Variants in GOLT1B observed in about 807,000 individuals in gnomAD.
GOLT1B encodes vesicle transport protein GOT1B.
GOLT1B carries 3 observed loss-of-function variants against 15.4 expected under a neutral mutation model. The ratio of observed to expected loss-of-function variants is 0.19; its 90% CI spans 0.09 to 0.50. GOLT1B has a LOEUF of 0.50. Ranked by LOEUF, GOLT1B falls within the 20% of genes least tolerant of loss-of-function variation. GOLT1B has a pLI of 0.97. For synonymous variants in GOLT1B, 65 were observed against 56.2 expected (o/e 1.16, Z -0.70); for missense variants, 145 against 160.4 (o/e 0.90, Z 0.52).
chr12:21,515,724 A>G lies in GOLT1B; in HGVS notation c.*17A>G. 9.0e-7 allele frequency: 1 copy of G among 1,108,626 alleles called. No individual in the cohort carries two copies. Among genetic ancestry groups the G allele is most frequent in the Admixed American group, 1.9e-5 (1 of 53,584 alleles). The allele number at this position is 1,108,626 out of a possible 1,614,324, so 68.7% of individuals were successfully genotyped here. A position where few individuals can be genotyped will look rare whatever the true frequency, so the allele number is the denominator to read the frequency against. On this transcript the variant is annotated 3_prime_UTR_variant, in exon 5 of 5. Transcript: ENST00000229314. ...ATGGTATAACAACAAGTGAATTTGA[A>G]GACTCATTTAAAATATTGTGTTATT...
chr12:21,506,037 T>TCGTC (rs3837494), intron 1 of GOLT1B, among the ~76,000 whole-genome samples: 67,324 of 151,244 alleles, frequency 0.45, 15,598 homozygotes, highest in East Asian at 0.67. Context: ...ACTTTAAAGC[T>TCGTC]TACACCTCGT....
In GOLT1B at chr12:21,501,846, C is replaced by T. The variant is rs1183295034; in HGVS notation, c.-78C>T. 2.0e-6 allele frequency: 2 copies of T among 1,019,108 alleles called. No homozygotes were observed. Among genetic ancestry groups the T allele is most frequent in the Non-Finnish European group, 3.1e-6 (2 of 647,656 alleles). The allele number at this position is 1,019,108 out of a possible 1,614,324, so 63.1% of individuals were successfully genotyped here. A position where few individuals can be genotyped will look rare whatever the true frequency, so the allele number is the denominator to read the frequency against. On this transcript the variant is annotated 5_prime_UTR_variant, in exon 1 of 5. Coordinates refer to ENST00000229314, the MANE Select transcript of GOLT1B (RefSeq NM_016072.5). ...GGCGGCTCTCGCCTGGGCTGTTTCC[C>T]GGCTTCATTTCTCCCGACTCAGCTT...
In GOLT1B at chr12:21,512,357, A is replaced by C; in HGVS notation, c.359A>C (p.Asn120Thr). 1 of 1,516,672 alleles carries C rather than the reference A, an allele frequency of 6.6e-7. No individual in the cohort carries two copies. The highest frequency in any genetic ancestry group is 1.1e-5 in the South Asian group (1 of 88,812). The allele number at this position is 1,516,672 out of a possible 1,614,324, so 94.0% of individuals were successfully genotyped here. The change falls in exon 4 of 5, where the codon AAT (asparagine) becomes ACT (threonine). Residue 120 changes from asparagine (N) to threonine (T), a missense_variant. Asn to Thr is a moderately conservative substitution (Grantham distance 65). Transcript: ENST00000229314. ...RRVPVLGSLL[N>T]LPGIRSFVDK... ...GTGCCAGTCCTTGGATCCCTCCTAA[A>C]TTTACCTGGAATTAGATCAGTAAGT...
chr12:21,510,901 T>C (rs567601018), intron 3 of GOLT1B, among the ~76,000 whole-genome samples: 1 of 152,220 alleles, frequency 6.6e-6, no homozygotes, highest in Non-Finnish European at 1.5e-5. Flanking sequence ...GAAAACAGCT[T>C]TTTTTCTGTA....
intron 3 of GOLT1B, among the ~76,000 whole-genome samples, chr12:21,509,309 G>A (rs1373903185): frequency 3.4e-5 from 5 of 147,780 alleles, no homozygotes; most frequent in Admixed American, 2.8e-4. Flanking sequence ...TGAGGCAGGC[G>A]AATTGTTTGA....
rs1033281814 is a variant in GOLT1B at position 21,518,116 on chromosome 12, A to G, written c.*2409A>G. On this transcript the variant is annotated 3_prime_UTR_variant, in exon 5 of 5. Coordinates refer to ENST00000229314, the MANE Select transcript of GOLT1B (RefSeq NM_016072.5). The stretch of plus-strand genomic sequence containing the variant: ...ATTATCTAACAATTGAATATTGTAA[A>G]TATACTTGTCTTACCTCTCAATAAA... 4.6e-5 allele frequency: 7 copies of G among 152,476 alleles called. No homozygotes were observed. Among genetic ancestry groups the G allele is most frequent in the African/African-American group, 1.7e-4 (7 of 41,464 alleles). The allele number at this position is 152,476 out of a possible 1,614,324, so 9.4% of individuals were successfully genotyped here.
At chr12:21,502,095 G>T (rs11046087) in intron 1 of GOLT1B, 147 bp downstream of exon 1, 37,838 of 685,216 alleles carry the variant, frequency 0.055, 1,291 homozygotes, top group Middle Eastern at 0.074. Context: ...GGACCCTAAG[G>T]GGCTGCCTTC....
intron 3 of GOLT1B, among the ~76,000 whole-genome samples, chr12:21,511,091 A>G (rs1412655243): frequency 6.6e-6 from 1 of 152,152 alleles, no homozygotes; most frequent in Non-Finnish European, 1.5e-5. Context: ...TCAGTCCCAC[A>G]ACTGTCCTCC....
At position 21,512,341 on chromosome 12, in the gene GOLT1B, C is replaced by G. The variant is rs1943726237; in HGVS notation, c.343C>G (p.Leu115Val). The G allele has an allele frequency of 1.3e-6, 2 of 1,571,538 alleles. No individual in the cohort carries two copies. The highest frequency in any genetic ancestry group is 1.8e-6 in the Non-Finnish European group (2 of 1,141,708). The change falls in exon 4 of 5, where the codon CTT becomes GTT. Residue 115 changes from leucine (L) to valine (V), a missense_variant. Coordinates refer to ENST00000229314, the MANE Select transcript of GOLT1B (RefSeq NM_016072.5). The part of the protein sequence containing the change: ...VVGFIRRVPV[L>V]GSLLNLPGIR... ...TGGCTTTATTAGAAGAGTGCCAGTC[C>G]TTGGATCCCTCCTAAATTTACCTGG... is the stretch of plus-strand genomic sequence containing the variant.
chr12:21,510,413 A>G (rs1448748761), intron 3 of GOLT1B, among the ~76,000 whole-genome samples: 1 of 152,226 alleles, frequency 6.6e-6, no homozygotes, highest in Non-Finnish European at 1.5e-5. Context: ...TTAAAAGCCA[A>G]AGCTGATCTT....
chr12:21,503,065 G>A (rs1943649004), intron 1 of GOLT1B, among the ~76,000 whole-genome samples: 1 of 152,216 alleles, frequency 6.6e-6, no homozygotes, highest in African/African-American at 2.4e-5. Context: ...AGGCTGGACT[G>A]GGGCTGCCTC....
At chr12:21,506,629 T>C (rs1345081653) in intron 1 of GOLT1B, among the ~76,000 whole-genome samples, 1 of 152,060 alleles carries the variant, frequency 6.6e-6, no homozygotes, top group Admixed American at 6.5e-5. Flanking sequence ...TCTTTTTTAT[T>C]ATAGCTATGT....
intron 4 of GOLT1B, among the ~76,000 whole-genome samples, chr12:21,513,661 G>T (rs368496226): frequency 6.6e-6 from 1 of 152,062 alleles, no homozygotes; most frequent in African/African-American, 2.4e-5. Context: ...GCCATGCATG[G>T]TGGTTCACTC....
intron 1 of GOLT1B, among the ~76,000 whole-genome samples, chr12:21,505,125 A>G (rs1467440329): frequency 6.6e-6 from 1 of 152,148 alleles, no homozygotes; most frequent in East Asian, 1.9e-4. Context: ...TTCCAGTAGT[A>G]TTGGAAGTAT....
chr12:21,514,335 T>G (rs149843076), intron 4 of GOLT1B, among the ~76,000 whole-genome samples: 196 of 152,350 alleles, frequency 1.3e-3, no homozygotes, highest in African/African-American at 4.2e-3. Flanking sequence ...GAGAGAAAGT[T>G]CATAGCATTT....
intron 3 of GOLT1B, among the ~76,000 whole-genome samples, chr12:21,511,302 G>A (rs181110150): frequency 1.1e-3 from 175 of 152,272 alleles, no homozygotes; most frequent in African/African-American, 3.7e-3. Context: ...GATGCATAGG[G>A]CAAGGAAAGG....
At position 21,503,357 on chromosome 12, in the gene GOLT1B, C is replaced by G. The variant is rs545536342; in HGVS notation, c.25+1409C>G. On this transcript the variant is annotated intron_variant, in intron 1 of 4. Transcript: ENST00000229314. ...GAGTGCATGGTCAAAGAAAAAGTGACAGAAACAAAACTTGATCCCAGGTGT... is the reference window on the plus strand; with the variant it reads ...GAGTGCATGGTCAAAGAAAAAGTGAGAGAAACAAAACTTGATCCCAGGTGT... 1.4e-3 allele frequency among the ~76,000 whole-genome samples: 212 copies of G among 152,262 alleles called. 1 individual carries two copies. The highest frequency in any genetic ancestry group is 1.6e-3 in the Non-Finnish European group (106 of 68,014).
At chr12:21,505,851 T>G (rs1008125571) in intron 1 of GOLT1B, among the ~76,000 whole-genome samples, 20 of 152,096 alleles carry the variant, frequency 1.3e-4, no homozygotes, top group African/African-American at 4.8e-4. Context: ...TAATGGCTAT[T>G]TTCTAGAATC....
chr12:21,511,832 T>G (rs930306807), intron 3 of GOLT1B, among the ~76,000 whole-genome samples: 4 of 152,240 alleles, frequency 2.6e-5, no homozygotes, highest in Non-Finnish European at 5.9e-5. Context: ...TTTAAACTGG[T>G]TAGAAGCTGT....
Sources: gnomAD v4.1 joint callset for allele counts (sites outside exome capture counted in the v4.1 genomes callset) on GRCh38, gnomAD v4.1.1 for gene constraint, MANE v1.5 for transcripts, NCBI Gene and HGNC (gene_info 2026-07-23, HGNC 2026-07-21) for gene names.